The following FYB2 variants were observed in gnomAD, a reference collection of about 807,000 sequenced individuals.
The protein encoded by FYB2 is FYN binding protein 2, also known as FYN-binding protein 2.
FYB2 carries 103 observed loss-of-function variants against 94.1 expected under a neutral mutation model. That is an observed-to-expected ratio of 1.09 (90% CI 0.93 to 1.29). The LOEUF is 1.29. Ranked by LOEUF, FYB2 falls within the 50% of genes most tolerant of loss-of-function variation. The pLI is 0.00. For missense variants in FYB2, 896 were observed against 841.5 expected, an observed-to-expected ratio of 1.06 and a Z score of -0.80; for synonymous variants, 293 against 287.9, an observed-to-expected ratio of 1.02 and a Z score of -0.18.
intron 5 of FYB2, among the ~76,000 whole-genome samples, chr1:56,763,421 A>T (rs1259853583): frequency 6.6e-6 from 1 of 152,140 alleles, no homozygotes; most frequent in Non-Finnish European, 1.5e-5. Flanking sequence ...CTATGCATTC[A>T]GTTTTTCTTG....
rs1348172661 is a variant in FYB2, at chr1:56,744,157, T to C, written c.1497A>G (p.Lys499=). 2 of 1,612,342 alleles carry C rather than the reference T, an allele frequency of 1.2e-6. No homozygotes were observed. The highest frequency in any genetic ancestry group is 1.7e-6 in the Non-Finnish European group (2 of 1,178,990). Residue 499 remains lysine (K), a synonymous_variant, in exon 10 of 20, where the codon AAA becomes AAG. Transcript: ENST00000343433. ...AAGACTGGAATGTTACTTACACCTCTTTCCTGGAGTACTCGACATCATCAT... is the reference window on the plus strand; with the variant it reads ...AAGACTGGAATGTTACTTACACCTCCTTCCTGGAGTACTCGACATCATCAT... The part of the protein sequence containing the change: ...EIYDDVEYSR[K]EVPKLNYSSS...
chr1:56,726,034 A>C (rs979724793), intron 16 of FYB2, among the ~76,000 whole-genome samples: 1 of 152,046 alleles, frequency 6.6e-6, no homozygotes, highest in Non-Finnish European at 1.5e-5. Flanking sequence ...TCAGTAAAAC[A>C]TTTTCTTGTA....
intron 1 of FYB2, among the ~76,000 whole-genome samples, chr1:56,806,195 C>T (rs1646643572): frequency 6.6e-6 from 1 of 152,110 alleles, no homozygotes; most frequent in African/African-American, 2.4e-5. Context: ...ACCTTGAGGT[C>T]CCTGCTGTGA....
chr1:56,805,334 A>G (rs539941787), intron 1 of FYB2, among the ~76,000 whole-genome samples: 7 of 152,296 alleles, frequency 4.6e-5, no homozygotes, highest in Admixed American at 3.9e-4. Context: ...TTTGTTGTAT[A>G]TTTGTGGGTA....
intron 17 of FYB2, among the ~76,000 whole-genome samples, chr1:56,722,162 G>GTATAACT: frequency 6.6e-6 from 1 of 151,974 alleles, no homozygotes; most frequent in East Asian, 1.9e-4. Context: ...GTAACATCAG[G>GTATAACT]GTTGCAGTAG....
At chr1:56,725,948 C>T (rs12087497) in intron 16 of FYB2, among the ~76,000 whole-genome samples, 22,477 of 151,962 alleles carry the variant, frequency 0.15, 2,716 homozygotes, top group African/African-American at 0.32. Context: ...CAGTAAGTAA[C>T]CACCTGCCTC....
At chr1:56,805,815 C>T (rs1646633401) in intron 1 of FYB2, among the ~76,000 whole-genome samples, 1 of 152,164 alleles carries the variant, frequency 6.6e-6, no homozygotes, top group Admixed American at 6.5e-5. Flanking sequence ...TGCCTGCTGC[C>T]ATCCATGTAA....
At chr1:56,725,223 T>C (rs1157116556) in intron 16 of FYB2, among the ~76,000 whole-genome samples, 1 of 152,074 alleles carries the variant, frequency 6.6e-6, no homozygotes, top group Non-Finnish European at 1.5e-5. Context: ...ACAAACAGAC[T>C]AAGACAGATA....
chr1:56,772,177 T>C (rs1645773965), intron 4 of FYB2, among the ~76,000 whole-genome samples: 1 of 152,124 alleles, frequency 6.6e-6, no homozygotes, highest in African/African-American at 2.4e-5. Context: ...ATTTGGTCTA[T>C]GGTAAATTAA....
chr1:56,753,067 C>A (rs1032880157), intron 8 of FYB2, among the ~76,000 whole-genome samples: 1 of 152,088 alleles, frequency 6.6e-6, no homozygotes, highest in Non-Finnish European at 1.5e-5. Flanking sequence ...ACCTCTGGAC[C>A]TACATGCCAG....
chr1:56,723,233 A>G (rs1315610804), intron 17 of FYB2, among the ~76,000 whole-genome samples: 4 of 151,844 alleles, frequency 2.6e-5, no homozygotes, highest in East Asian at 1.9e-4. Context: ...ACGCACACAC[A>G]CACACAAATG....
At chr1:56,733,365 T>C (rs1359656642) in intron 15 of FYB2, among the ~76,000 whole-genome samples, 7 of 152,108 alleles carry the variant, frequency 4.6e-5, no homozygotes, top group African/African-American at 1.7e-4. Context: ...ATTTTGTTGA[T>C]CTTTTCAAAA....
intron 3 of FYB2, among the ~76,000 whole-genome samples, chr1:56,788,125 T>C (rs972843317): frequency 1.3e-5 from 2 of 152,198 alleles, no homozygotes; most frequent in African/African-American, 4.8e-5. Flanking sequence ...CCCAGCAATC[T>C]ATGTTTTAAA....
intron 1 of FYB2, among the ~76,000 whole-genome samples, chr1:56,817,220 T>C (rs1646904131): frequency 6.6e-6 from 1 of 152,228 alleles, no homozygotes; most frequent in African/African-American, 2.4e-5. Flanking sequence ...TGAACACTCC[T>C]TCACTTCCTC....
chr1:56,780,080 T>C (rs572416276), intron 4 of FYB2, among the ~76,000 whole-genome samples: 8 of 152,230 alleles, frequency 5.3e-5, no homozygotes, highest in East Asian at 3.9e-4. Flanking sequence ...GTCTAACAGA[T>C]ATAAAAGGGC....
intron 17 of FYB2, 65 bp downstream of exon 17, chr1:56,723,523 T>G: frequency 1.1e-6 from 1 of 934,552 alleles, no homozygotes; most frequent in Non-Finnish European, 1.6e-6. Flanking sequence ...CTTACAGATT[T>G]TTTTTTTAAA....
chr1:56,747,285 A>G (rs1312184449), intron 9 of FYB2, among the ~76,000 whole-genome samples: 1 of 151,280 alleles, frequency 6.6e-6, no homozygotes, highest in African/African-American at 2.4e-5. Flanking sequence ...TTAAGTTCTG[A>G]GATACATGTG....
At chr1:56,746,896 G>C (rs754015917) in intron 9 of FYB2, among the ~76,000 whole-genome samples, 1 of 151,966 alleles carries the variant, frequency 6.6e-6, no homozygotes, top group Non-Finnish European at 1.5e-5. Flanking sequence ...GGTTGTCCCA[G>C]CTTACAATCT....
chr1:56,799,704 G>A (rs1227272102), intron 1 of FYB2, among the ~76,000 whole-genome samples: 6 of 152,056 alleles, frequency 3.9e-5, no homozygotes, highest in South Asian at 2.1e-4. Context: ...GTCAAATCAC[G>A]TTTTGATCTC....
Sources: gnomAD v4.1 joint callset for allele counts (sites outside exome capture counted in the v4.1 genomes callset) on GRCh38, gnomAD v4.1.1 for gene constraint, MANE v1.5 for transcripts, NCBI Gene and HGNC (gene_info 2026-07-23, HGNC 2026-07-21) for gene names.